The following PLEKHH2 variants were observed in gnomAD, a reference collection of about 807,000 sequenced individuals.
PLEKHH2 encodes the protein pleckstrin homology domain-containing family H member 2.
A neutral mutation model predicts 187.9 loss-of-function variants in PLEKHH2; 129 were observed. That is an observed-to-expected ratio of 0.69 (90% CI 0.59 to 0.79). The LOEUF is 0.79. Among genes scored for constraint, PLEKHH2 ranks in the 30% least tolerant of loss-of-function variants. PLEKHH2 has a pLI of 0.00. For missense variants in PLEKHH2, 2,076 were observed against 1,751.2 expected, an observed-to-expected ratio of 1.19 and a Z score of -3.31; for synonymous variants, 686 against 605.6, an observed-to-expected ratio of 1.13 and a Z score of -1.95.
intron 6 of PLEKHH2, among the ~76,000 whole-genome samples, 193 bp downstream of exon 6, chr2:43,695,417 A>C (rs1482641921): frequency 1.3e-5 from 2 of 152,248 alleles, no homozygotes; most frequent in Non-Finnish European, 2.9e-5. Context: ...AAGGCAAAAA[A>C]GAGATGGAAT....
intron 2 of PLEKHH2, among the ~76,000 whole-genome samples, chr2:43,660,251 TG>T (rs1666999497): frequency 6.6e-6 from 1 of 152,160 alleles, no homozygotes; most frequent in Admixed American, 6.5e-5. Context: ...CCATTGTACG[TG>T]TGCACCATGA....
intron 24 of PLEKHH2, among the ~76,000 whole-genome samples, chr2:43,746,537 C>G (rs956192801): frequency 6.6e-6 from 1 of 151,378 alleles, no homozygotes; most frequent in Non-Finnish European, 1.5e-5. Flanking sequence ...AAAAAATACA[C>G]ACACACACAC....
intron 1 of PLEKHH2, among the ~76,000 whole-genome samples, chr2:43,639,156 C>T (rs1703252622): frequency 6.6e-6 from 1 of 152,132 alleles, no homozygotes; most frequent in Non-Finnish European, 1.5e-5. Context: ...GCAGGGATAA[C>T]CACAAATAAT....
chr2:43,675,924 G>T lies in PLEKHH2; in HGVS notation c.124-2939G>T, dbSNP rs774712544. 6.3e-5 allele frequency: 101 copies of T among 1,613,906 alleles called. No individual in the cohort carries two copies. The highest frequency in any genetic ancestry group is 8.1e-5 in the Non-Finnish European group (95 of 1,179,924). On this transcript the variant is annotated intron_variant, in intron 2 of 29. Coordinates refer to ENST00000282406, the MANE Select transcript of PLEKHH2 (RefSeq NM_172069.4). Reference sequence around the variant, plus strand: ...GTGCAAGGAAGAACCAGTTGTAGTTGTCACCATACTTTTCAAAGACGTATT... The same window carrying T: ...GTGCAAGGAAGAACCAGTTGTAGTTTTCACCATACTTTTCAAAGACGTATT...
At position 43,764,270 on chromosome 2, in the gene PLEKHH2, G is replaced by A; in HGVS notation, c.4201G>A (p.Gly1401Arg). Residue 1401 changes from glycine (G) to arginine (R), a missense_variant, in exon 29 of 30, where the codon GGA (glycine) becomes AGA (arginine). Gly to Arg is a moderately radical substitution (Grantham distance 125). Coordinates refer to ENST00000282406, the MANE Select transcript of PLEKHH2 (RefSeq NM_172069.4). Reference protein sequence around the residue: ...SYVYKSLMTFGGYQDDFMVVI... With the variant: ...SYVYKSLMTFRGYQDDFMVVI... The stretch of plus-strand genomic sequence containing the variant: ...TGTGTACAAGAGTCTAATGACCTTT[G>A]GAGGCTATCAAGATGATTTTATGGT... 2 of 1,582,796 alleles carry A rather than the reference G, an allele frequency of 1.3e-6. No individual in the cohort carries two copies. Among genetic ancestry groups the A allele is most frequent in the Non-Finnish European group, 1.7e-6 (2 of 1,161,698 alleles).
rs533522127 is a variant in PLEKHH2, at chr2:43,765,882, G to A, written c.*284G>A. 1 of 313,908 alleles carries A rather than the reference G, an allele frequency of 3.2e-6. No individual in the cohort carries two copies. Among genetic ancestry groups the A allele is most frequent in the South Asian group, 1.5e-4 (1 of 6,612 alleles). 19.4% of individuals were successfully genotyped at this position (313,908 alleles called of 1,614,324 possible). A position where few individuals can be genotyped will look rare whatever the true frequency, so the allele number is the denominator to read the frequency against. On this transcript the variant is annotated 3_prime_UTR_variant, in exon 30 of 30. Coordinates refer to ENST00000282406, the MANE Select transcript of PLEKHH2 (RefSeq NM_172069.4). ...CTTCTCCCTTGTCATCAGACACATT[G>A]TGCAATGTGGCTTTTCTTTTCTTTT...
chr2:43,714,604 A>C (rs1670127272), intron 15 of PLEKHH2, among the ~76,000 whole-genome samples: 1 of 152,206 alleles, frequency 6.6e-6, no homozygotes, highest in South Asian at 2.1e-4. Context: ...GGTAGATGCT[A>C]AGAACTTGAC....
At chr2:43,685,596 G>T (rs10195130) in intron 3 of PLEKHH2, among the ~76,000 whole-genome samples, 88,947 of 148,976 alleles carry the variant, frequency 0.6, 27,478 homozygotes, top group African/African-American at 0.75. Flanking sequence ...CCCAGTTAAT[G>T]TTTTTTAACC....
At chr2:43,686,268 C>T (rs912532227) in intron 3 of PLEKHH2, among the ~76,000 whole-genome samples, 7 of 152,100 alleles carry the variant, frequency 4.6e-5, no homozygotes, top group Non-Finnish European at 8.8e-5. Flanking sequence ...ATGATCCTGG[C>T]TCACCGCAGC....
At chr2:43,720,133 C>T (rs942566503) in intron 15 of PLEKHH2, among the ~76,000 whole-genome samples, 4 of 152,148 alleles carry the variant, frequency 2.6e-5, no homozygotes, top group African/African-American at 9.7e-5. Flanking sequence ...CATAATTTCC[C>T]ATAATCCACC....
At chr2:43,708,231 G>A (rs1465973651) in intron 11 of PLEKHH2, among the ~76,000 whole-genome samples, 1 of 152,160 alleles carries the variant, frequency 6.6e-6, no homozygotes, top group Non-Finnish European at 1.5e-5. Context: ...GCCAGAATCA[G>A]GTTATGACAC....
intron 3 of PLEKHH2, among the ~76,000 whole-genome samples, chr2:43,679,177 T>G (rs541156256): frequency 6.6e-6 from 1 of 152,322 alleles, no homozygotes; most frequent in East Asian, 1.9e-4. Context: ...ATGACTTTTA[T>G]GGTAATACTA....
intron 15 of PLEKHH2, among the ~76,000 whole-genome samples, chr2:43,716,156 T>G (rs778332354): frequency 1.1e-4 from 16 of 151,874 alleles, no homozygotes; most frequent in Middle Eastern, 3.2e-3. Context: ...AGGAGAGGCA[T>G]TTTTTAGGGT....
intron 2 of PLEKHH2, among the ~76,000 whole-genome samples, chr2:43,655,093 C>A (rs1156860931): frequency 6.6e-6 from 1 of 152,016 alleles, no homozygotes; most frequent in Admixed American, 6.6e-5. Flanking sequence ...GTAGCCCCAG[C>A]TACTCAGGAG....
At chr2:43,762,658 T>C in intron 28 of PLEKHH2, among the ~76,000 whole-genome samples, 1 of 152,216 alleles carries the variant, frequency 6.6e-6, no homozygotes, top group Admixed American at 6.5e-5. Context: ...CATGAAATGA[T>C]TATTTTTTAA....
At chr2:43,680,391 T>A (rs1412457818) in intron 3 of PLEKHH2, 1 of 154,530 alleles carries the variant, frequency 6.5e-6, no homozygotes, top group East Asian at 1.9e-4. Flanking sequence ...CTGTATCTCA[T>A]AAATATGTAC....
At chr2:43,752,183 A>G (rs1436372495) in intron 24 of PLEKHH2, among the ~76,000 whole-genome samples, 2 of 152,232 alleles carry the variant, frequency 1.3e-5, no homozygotes, top group Non-Finnish European at 1.5e-5. Flanking sequence ...AAGCATGCCA[A>G]AAAGAAAGGC....
chr2:43,733,084 C>G (rs772532459), intron 19 of PLEKHH2, among the ~76,000 whole-genome samples: 1 of 152,116 alleles, frequency 6.6e-6, no homozygotes, highest in Non-Finnish European at 1.5e-5. Context: ...CCCTTGCAGC[C>G]GGGCGCAGTG....
At chr2:43,697,959 CA>C (rs201860626) in intron 7 of PLEKHH2, among the ~76,000 whole-genome samples, 15 of 150,558 alleles carry the variant, frequency 1.0e-4, no homozygotes, top group Non-Finnish European at 5.9e-5. Context: ...GTGCTTCTAT[CA>C]AAAAAAAAGA....
Sources: gnomAD v4.1 joint callset for allele counts (sites outside exome capture counted in the v4.1 genomes callset) on GRCh38, gnomAD v4.1.1 for gene constraint, MANE v1.5 for transcripts, NCBI Gene and HGNC (gene_info 2026-07-23, HGNC 2026-07-21) for gene names.